SUGCT: variants seen among roughly 807,000 people sequenced by gnomAD.
SUGCT encodes the protein succinyl-CoA:glutarate CoA-transferase.
A neutral mutation model predicts 55.0 loss-of-function variants in SUGCT; 41 were observed. That is an observed-to-expected ratio of 0.74 (90% CI 0.58 to 0.97). The LOEUF is 0.97. Ranked by LOEUF, SUGCT falls within the 50% of genes least tolerant of loss-of-function variation. The pLI is 0.00. For missense variants in SUGCT, 568 were observed against 547.8 expected (o/e 1.04, Z -0.37); for synonymous variants, 187 against 200.4 (o/e 0.93, Z 0.56).
At chr7:40,879,275 A>T in the SUGCT span, among the ~76,000 whole-genome samples, 2 of 152,246 alleles carry the variant, frequency 1.3e-5, no homozygotes, top group African/African-American at 2.4e-5. Context: ...AAAGTTAGAG[A>T]TAATAGTATA....
At chr7:40,610,435 T>C (rs1241245302) in intron 12 of SUGCT, among the ~76,000 whole-genome samples, 1 of 152,264 alleles carries the variant, frequency 6.6e-6, no homozygotes, top group Admixed American at 6.5e-5. Context: ...TTATTTTTCT[T>C]GGTCCTGATT....
chr7:40,275,064 G>A (rs1792374355), intron 8 of SUGCT, among the ~76,000 whole-genome samples: 1 of 152,124 alleles, frequency 6.6e-6, no homozygotes, highest in African/African-American at 2.4e-5. Flanking sequence ...GCCTCCCAAA[G>A]TGCTGGGATT....
At chr7:40,944,635 T>C in the SUGCT span, among the ~76,000 whole-genome samples, 1 of 152,222 alleles carries the variant, frequency 6.6e-6, no homozygotes, top group Non-Finnish European at 1.5e-5. Context: ...GTTCCATTGT[T>C]TTGGTACCAG....
chr7:40,438,646 C>G (rs1204026708), intron 9 of SUGCT, among the ~76,000 whole-genome samples: 1 of 152,018 alleles, frequency 6.6e-6, no homozygotes, highest in African/African-American at 2.4e-5. Flanking sequence ...TGCTGTCTCC[C>G]CACATCATTT....
intron 11 of SUGCT, among the ~76,000 whole-genome samples, chr7:40,470,749 C>G (rs1790361397): frequency 1.0e-5 from 1 of 97,586 alleles, no homozygotes; most frequent in Non-Finnish European, 2.0e-5. Flanking sequence ...AGTGAACAGT[C>G]TCTCTCTCTC....
chr7:40,864,382 C>T (rs983163478), downstream of SUGCT, among the ~76,000 whole-genome samples: 10 of 152,128 alleles, frequency 6.6e-5, no homozygotes, highest in African/African-American at 2.2e-4. Context: ...GAACTCCTGA[C>T]CTCAATTGAT....
rs1246087570 is a variant in SUGCT, at chr7:40,471,864, G to T, written c.986+12666G>T. The stretch of plus-strand genomic sequence containing the variant: ...ATTTTACAAAGAGACTATTAAAATA[G>T]GTCAGTAAAAAATTATAACAACCTC... On this transcript the variant is annotated intron_variant, in intron 11 of 13. Coordinates refer to ENST00000335693, the MANE Select transcript of SUGCT (RefSeq NM_001193313.2). 4.0e-5 allele frequency among the ~76,000 whole-genome samples: 6 copies of T among 151,846 alleles called. No homozygotes were observed. The East Asian group carries it at 1.2e-3, about 29-fold the overall frequency.
In SUGCT at chr7:40,317,142, TTC is replaced by T. The variant is rs139004443; in HGVS notation, c.816+288_816+289del. Among the ~76,000 whole-genome samples the T allele has an allele frequency of 0.56, 83,625 of 150,050 alleles. 24,548 individuals carry two copies. Among genetic ancestry groups the T allele is most frequent in the Non-Finnish European group, 0.67 (44,935 of 67,224 alleles). ...CGTATGATGGTTTTCTTTTTTTTTT[TTC>T]CCACCTAAAAGAGGCACTGACTGTA... On this transcript the variant is annotated intron_variant, in intron 9 of 13. Transcript: ENST00000335693.
At chr7:40,961,575 T>C in the SUGCT span, among the ~76,000 whole-genome samples, 50,591 of 152,080 alleles carry the variant, frequency 0.33, 9,138 homozygotes, top group Admixed American at 0.45. Context: ...AATTAAAGCC[T>C]AAGATAGAAG....
chr7:40,700,279 T>C (rs1371998864), intron 12 of SUGCT, among the ~76,000 whole-genome samples: 1 of 152,208 alleles, frequency 6.6e-6, no homozygotes. Context: ...CAGTCCCATC[T>C]TAGGACTGGA....
At position 40,394,038 on chromosome 7, in the gene SUGCT, A is replaced by G. The variant is rs373746572; in HGVS notation, c.817-55249A>G. Among the ~76,000 whole-genome samples, 304 of 152,316 alleles carry G rather than the reference A, an allele frequency of 2.0e-3. 12 individuals are homozygous for G. In the South Asian group the frequency reaches 0.059, roughly 29 times the overall value. ...GGAGGTTGTGCAGAAATAATCTATG[A>G]ATTGTCGAAGACCTGAACTTTATTC... On this transcript the variant is annotated intron_variant, in intron 9 of 13. Coordinates refer to ENST00000335693, the MANE Select transcript of SUGCT (RefSeq NM_001193313.2).
the SUGCT span, among the ~76,000 whole-genome samples, chr7:40,912,035 A>G: frequency 3.3e-5 from 5 of 152,108 alleles, no homozygotes; most frequent in African/African-American, 1.2e-4. Context: ...GTTTCAAGAA[A>G]CTATTGGCTT....
the SUGCT span, among the ~76,000 whole-genome samples, chr7:41,008,948 G>A: frequency 9.4e-3 from 1,432 of 152,168 alleles, 17 homozygotes; most frequent in African/African-American, 0.031. Flanking sequence ...TGGGTCTTGC[G>A]AGAATATGAT....
chr7:40,419,963 C>G (rs1787218478), intron 9 of SUGCT, among the ~76,000 whole-genome samples: 1 of 152,174 alleles, frequency 6.6e-6, no homozygotes, highest in South Asian at 2.1e-4. Context: ...GTTACAGAAA[C>G]AGGAACCTGG....
At chr7:40,624,649 G>A (rs905702681) in intron 12 of SUGCT, among the ~76,000 whole-genome samples, 6 of 152,060 alleles carry the variant, frequency 3.9e-5, no homozygotes, top group African/African-American at 1.2e-4. Flanking sequence ...TTTAAACTGC[G>A]ATGGTTAGAC....
At chr7:40,427,604 C>T (rs1364436562) in intron 9 of SUGCT, among the ~76,000 whole-genome samples, 1 of 152,164 alleles carries the variant, frequency 6.6e-6, no homozygotes, top group East Asian at 1.9e-4. Flanking sequence ...TTTAGTTCCA[C>T]CTCGGTTTTT....
chr7:40,702,877 TA>T (rs1297872945), intron 12 of SUGCT, among the ~76,000 whole-genome samples: 1 of 152,174 alleles, frequency 6.6e-6, no homozygotes, highest in Non-Finnish European at 1.5e-5. Flanking sequence ...CAAAACTACG[TA>T]ACTCTCAAAT....
chr7:40,627,240 T>C lies in SUGCT; in HGVS notation c.1090-122194T>C, dbSNP rs187231191. Among the ~76,000 whole-genome samples, 280 of 152,322 alleles carry C rather than the reference T, an allele frequency of 1.8e-3. 1 individual carries two copies. Among genetic ancestry groups the C allele is most frequent in the Non-Finnish European group, 3.2e-3 (217 of 68,022 alleles). ...ATGAAGCAACAAAAGCAGAGATGTA[T>C]TGAAAATGAAAGTATGCCCCACAGT... On this transcript the variant is annotated intron_variant, in intron 12 of 13. Transcript: ENST00000335693.
intron 12 of SUGCT, among the ~76,000 whole-genome samples, chr7:40,648,247 A>G (rs944545308): frequency 6.6e-6 from 1 of 152,148 alleles, no homozygotes; most frequent in East Asian, 1.9e-4. Context: ...AGCAGTCATT[A>G]TATCTTTTTG....
Sources: gnomAD v4.1 joint callset for allele counts (sites outside exome capture counted in the v4.1 genomes callset) on GRCh38, gnomAD v4.1.1 for gene constraint, MANE v1.5 for transcripts, NCBI Gene and HGNC (gene_info 2026-07-23, HGNC 2026-07-21) for gene names.